SUMO3: variants seen among roughly 807,000 people sequenced by gnomAD.
SUMO3 encodes the protein small ubiquitin-related modifier 3.
Under a neutral mutation model 11.1 loss-of-function variants are expected in SUMO3, and 2 were observed. The ratio of observed to expected loss-of-function variants is 0.18; its 90% CI spans 0.07 to 0.57. SUMO3 has a LOEUF of 0.57. SUMO3 is among the 20% of genes least tolerant of loss of function. The pLI is 0.92. For missense variants in SUMO3, 70 were observed against 132.8 expected (o/e 0.53, Z 2.32); for synonymous variants, 56 against 53.5 (o/e 1.05, Z -0.20).
chr21:44,813,578 G>A lies in SUMO3; in HGVS notation c.150+398C>T, dbSNP rs1006445710. On this transcript the variant is annotated intron_variant, in intron 2 of 3. Coordinates refer to ENST00000332859, the MANE Select transcript of SUMO3 (RefSeq NM_006936.3). ...TCTCCAGGGTCAGGCCAGCTCATAC[G>A]CGAGGACAGGGTGACAGCGGCGTGG... The A allele has an allele frequency of 5.1e-4, 249 of 490,734 alleles. 2 individuals carry two copies. Among genetic ancestry groups the A allele is most frequent in the African/African-American group, 4.4e-3 (223 of 50,682 alleles). 30.4% of individuals were successfully genotyped at this position (490,734 alleles called of 1,614,324 possible).
chr21:44,813,166 T>G (rs2083222516), intron 2 of SUMO3, among the ~76,000 whole-genome samples: 2 of 151,510 alleles, frequency 1.3e-5, no homozygotes, highest in South Asian at 4.2e-4. Flanking sequence ...AAGAGTAAAA[T>G]AAAAGGGCAA....
Position 44,810,940 on chromosome 21 carries a change from ACACACATGCACACACC to A in SUMO3, c.151-1838_151-1823del, listed in dbSNP as rs1190815912. Among the ~76,000 whole-genome samples, 3 of 151,214 alleles carry A rather than the reference ACACACATGCACACACC, an allele frequency of 2.0e-5. No homozygotes were observed. Among genetic ancestry groups the A allele is most frequent in the Admixed American group, 6.6e-5 (1 of 15,166 alleles). Reference sequence around the variant, plus strand: ...CCCACACCCACACATGCCCACACCCACACACATGCACACACCCACACATGCACACCCATGCACACAC... The same window carrying A: ...CCCACACCCACACATGCCCACACCCACACACATGCACACCCATGCACACAC... On this transcript the variant is annotated intron_variant, in intron 2 of 3. Coordinates refer to ENST00000332859, the MANE Select transcript of SUMO3 (RefSeq NM_006936.3). The surrounding 1 kb of genome is among the most constrained non-coding windows in gnomAD (Gnocchi z 4.1).
Position 44,806,808 on chromosome 21 carries a change from G to A in SUMO3, c.*143C>T. 6.9e-7 allele frequency: 1 copy of A among 1,449,098 alleles called. No individual in the cohort carries two copies. The highest frequency in any genetic ancestry group is 2.5e-5 in the East Asian group (1 of 39,236). The allele number at this position is 1,449,098 out of a possible 1,614,324, so 89.8% of individuals were successfully genotyped here. On this transcript the variant is annotated 3_prime_UTR_variant, in exon 4 of 4. Coordinates refer to ENST00000332859, the MANE Select transcript of SUMO3 (RefSeq NM_006936.3). ...ATCCCTGCAGATATAGTTTTGAGTT[G>A]CACTTGAAGTACATCAAAGAGAGGA...
At chr21:44,815,590 G>A (rs1199716061) in intron 1 of SUMO3, among the ~76,000 whole-genome samples, 2 of 152,174 alleles carry the variant, frequency 1.3e-5, no homozygotes, top group Non-Finnish European at 2.9e-5. Context: ...GGATGGAAGT[G>A]GGGACCCCTG....
At chr21:44,815,458 C>T (rs1444495196) in intron 1 of SUMO3, among the ~76,000 whole-genome samples, 2 of 152,206 alleles carry the variant, frequency 1.3e-5, no homozygotes, top group Non-Finnish European at 2.9e-5. Flanking sequence ...TCCCGGGATG[C>T]CAGTGGCTTG....
At position 44,806,692 on chromosome 21, in the gene SUMO3, T is replaced by G. The variant is rs2083179414; in HGVS notation, c.*259A>C. 1.2e-6 allele frequency: 1 copy of G among 851,484 alleles called. No homozygotes were observed. The highest frequency in any genetic ancestry group is 1.7e-6 in the Non-Finnish European group (1 of 603,452). 52.7% of individuals were successfully genotyped at this position (851,484 alleles called of 1,614,324 possible). The stretch of plus-strand genomic sequence containing the variant: ...TTGTAGGAGGGGGGGAAAACACAAA[T>G]GAGCACACAAAAGTACCCACAATAT... On this transcript the variant is annotated 3_prime_UTR_variant, in exon 4 of 4. Coordinates refer to ENST00000332859, the MANE Select transcript of SUMO3 (RefSeq NM_006936.3).
chr21:44,808,282 G>A (rs1389369753), intron 3 of SUMO3: 1 of 303,352 alleles, frequency 3.3e-6, no homozygotes, highest in African/African-American at 2.2e-5. Flanking sequence ...GGGGGCTGAG[G>A]TGGGCAGATC....
At chr21:44,813,850 C>G in intron 2 of SUMO3, 126 bp downstream of exon 2, 2 of 1,566,462 alleles carry the variant, frequency 1.3e-6, no homozygotes, top group Non-Finnish European at 1.7e-6. Flanking sequence ...TGCCCATCCA[C>G]GAAGAGGGCA....
intron 1 of SUMO3, among the ~76,000 whole-genome samples, chr21:44,817,708 G>C (rs989242554): frequency 3.4e-4 from 51 of 150,844 alleles, no homozygotes; most frequent in Non-Finnish European, 6.5e-4. Context: ...GGGAGGAGAC[G>C]GGCGTGGAGC....
intron 1 of SUMO3, among the ~76,000 whole-genome samples, chr21:44,814,939 AGCCAACTTCGGGG>A (rs1295910721): frequency 6.6e-6 from 1 of 152,204 alleles, no homozygotes; most frequent in East Asian, 1.9e-4. Context: ...AGAGACTGGG[AGCCAACTTCGGGG>A]CAGCTCAGTC....
At position 44,818,041 on chromosome 21, in the gene SUMO3, G is replaced by C; in HGVS notation, c.-73C>G. 4.4e-6 allele frequency: 5 copies of C among 1,126,102 alleles called. No homozygotes were observed. Among genetic ancestry groups the C allele is most frequent in the Non-Finnish European group, 4.4e-6 (4 of 907,948 alleles). 69.8% of individuals were successfully genotyped at this position (1,126,102 alleles called of 1,614,324 possible). A position where few individuals can be genotyped will look rare whatever the true frequency, so the allele number is the denominator to read the frequency against. ...GCGGGCGAGTCACGCTCTCGGCCCCGCCGCTCTCCCGCCGCAACTGTGCGC... is the reference window on the plus strand; with the variant it reads ...GCGGGCGAGTCACGCTCTCGGCCCCCCCGCTCTCCCGCCGCAACTGTGCGC... On this transcript the variant is annotated 5_prime_UTR_variant, in exon 1 of 4. Coordinates refer to ENST00000332859, the MANE Select transcript of SUMO3 (RefSeq NM_006936.3).
rs1290023319 is a variant in SUMO3, at chr21:44,806,005, G to C, written c.*946C>G. On this transcript the variant is annotated 3_prime_UTR_variant, in exon 4 of 4. Transcript: ENST00000332859. ...AGAACATGAAGTCATCATTCCATGG[G>C]TTCATTTGTAACCACACTTGGAAGT... 1 of 152,126 alleles carries C rather than the reference G, an allele frequency of 6.6e-6. No homozygotes were observed. Among genetic ancestry groups the C allele is most frequent in the Non-Finnish European group, 1.5e-5 (1 of 68,016 alleles). 9.4% of individuals were successfully genotyped at this position (152,126 alleles called of 1,614,324 possible). A position where few individuals can be genotyped will look rare whatever the true frequency, so the allele number is the denominator to read the frequency against.
chr21:44,813,907 G>A (rs964360564), intron 2 of SUMO3, 69 bp downstream of exon 2: 9 of 1,600,114 alleles, frequency 5.6e-6, no homozygotes, highest in Non-Finnish European at 7.6e-6. Context: ...CTCGTGCTCT[G>A]GGGATGCCTG....
At chr21:44,813,538 C>T (rs1569309004) in intron 2 of SUMO3, 2 of 403,880 alleles carry the variant, frequency 5.0e-6, no homozygotes, top group Non-Finnish European at 9.0e-6. Flanking sequence ...CCACACCGCA[C>T]ATGAGGGCAG....
At position 44,812,228 on chromosome 21, in the gene SUMO3, T is replaced by C. The variant is rs116249423; in HGVS notation, c.150+1748A>G. Among the ~76,000 whole-genome samples the C allele has an allele frequency of 8.0e-3, 1,222 of 151,974 alleles. 16 individuals are homozygous for C. Among genetic ancestry groups the C allele is most frequent in the African/African-American group, 0.027 (1,120 of 41,430 alleles). On this transcript the variant is annotated intron_variant, in intron 2 of 3. Coordinates refer to ENST00000332859, the MANE Select transcript of SUMO3 (RefSeq NM_006936.3). Reference sequence around the variant, plus strand: ...TGCACCACCACACCTGGCTAATTTTTTTAATGTTTCGTAGAGACAGGGTCT... The same window carrying C: ...TGCACCACCACACCTGGCTAATTTTCTTAATGTTTCGTAGAGACAGGGTCT...
chr21:44,812,414 T>C (rs1480828049), intron 2 of SUMO3, among the ~76,000 whole-genome samples: 1 of 152,062 alleles, frequency 6.6e-6, no homozygotes, highest in Non-Finnish European at 1.5e-5. Flanking sequence ...GCTATTCTCA[T>C]GGCTGACCTC....
At position 44,806,360 on chromosome 21, in the gene SUMO3, C is replaced by T. The variant is rs754917215; in HGVS notation, c.*591G>A. 6.6e-6 allele frequency: 1 copy of T among 152,466 alleles called. No homozygotes were observed. The highest frequency in any genetic ancestry group is 1.5e-5 in the Non-Finnish European group (1 of 68,264). The allele number at this position is 152,466 out of a possible 1,614,324, so 9.4% of individuals were successfully genotyped here. A position where few individuals can be genotyped will look rare whatever the true frequency, so the allele number is the denominator to read the frequency against. On this transcript the variant is annotated 3_prime_UTR_variant, in exon 4 of 4. Transcript: ENST00000332859. The stretch of plus-strand genomic sequence containing the variant: ...CACGTGGGGTCAAATTACCAAAAGA[C>T]TCGGTTATTTTTTAACCTTTGAAGA...
chr21:44,810,631 G>A lies in SUMO3; in HGVS notation c.151-1513C>T, dbSNP rs146085457. ...CAGATGCGCCTCCAGGAGGCTGGCCGGAGCCTGGAGGACTCAACTCTCAAA... is the reference window on the plus strand; with the variant it reads ...CAGATGCGCCTCCAGGAGGCTGGCCAGAGCCTGGAGGACTCAACTCTCAAA... On this transcript the variant is annotated intron_variant, in intron 2 of 3. Coordinates refer to ENST00000332859, the MANE Select transcript of SUMO3 (RefSeq NM_006936.3). This position sits in a 1 kb window ranked among gnomAD's most constrained non-coding sequence, Gnocchi z 4.1. 4.0e-3 allele frequency among the ~76,000 whole-genome samples: 616 copies of A among 152,298 alleles called. 4 individuals are homozygous for A. Among genetic ancestry groups the A allele is most frequent in the African/African-American group, 0.013 (526 of 41,566 alleles).
At position 44,806,870 on chromosome 21, in the gene SUMO3, C is replaced by T. The variant is rs756017236; in HGVS notation, c.*81G>A. The T allele has an allele frequency of 3.8e-6, 6 of 1,575,696 alleles. No homozygotes were observed. Among genetic ancestry groups the T allele is most frequent in the African/African-American group, 1.4e-5 (1 of 73,870 alleles). Reference sequence around the variant, plus strand: ...GTGAATGTCCTCGAGTTTCCGCAGACACCTTTGTGGTCGGCATGGTCACGT... The same window carrying T: ...GTGAATGTCCTCGAGTTTCCGCAGATACCTTTGTGGTCGGCATGGTCACGT... On this transcript the variant is annotated 3_prime_UTR_variant, in exon 4 of 4. Coordinates refer to ENST00000332859, the MANE Select transcript of SUMO3 (RefSeq NM_006936.3).
Sources: gnomAD v4.1 joint callset for allele counts (sites outside exome capture counted in the v4.1 genomes callset) on GRCh38, gnomAD v4.1.1 for gene constraint, Gnocchi (gnomAD v3.1) non-coding constraint, MANE v1.5 for transcripts, NCBI Gene and HGNC (gene_info 2026-07-23, HGNC 2026-07-21) for gene names.